GABRB3: variants seen among roughly 807,000 people sequenced by gnomAD.
The protein encoded by GABRB3 is gamma-aminobutyric acid type A receptor subunit beta3, also known as gamma-aminobutyric acid receptor subunit beta-3.
A neutral mutation model predicts 52.1 loss-of-function variants in GABRB3; 14 were observed. The observed-to-expected ratio is 0.27, with a 90% confidence interval of 0.18 to 0.42. The LOEUF is 0.42. Ranked by LOEUF, GABRB3 falls within the 10% of genes least tolerant of loss-of-function variation. GABRB3 has a pLI of 1.00. For synonymous variants in GABRB3, 260 were observed against 232.3 expected (o/e 1.12, Z -1.08); for missense variants, 307 against 609.1 (o/e 0.50, Z 5.22).
chr15:26,691,719 A>C (rs1034934736), intron 3 of GABRB3, among the ~76,000 whole-genome samples: 12 of 152,186 alleles, frequency 7.9e-5, no homozygotes, highest in Non-Finnish European at 1.8e-4. Flanking sequence ...CTACCTACTG[A>C]TATCAAGACC....
chr15:26,737,469 T>A (rs560852455), intron 3 of GABRB3, among the ~76,000 whole-genome samples: 15 of 152,316 alleles, frequency 9.8e-5, no homozygotes, highest in African/African-American at 3.6e-4. Flanking sequence ...TATGTGTATG[T>A]GCTCAATGAA....
intron 3 of GABRB3, among the ~76,000 whole-genome samples, chr15:26,681,732 TG>T (rs1420424548): frequency 6.6e-6 from 1 of 151,890 alleles, no homozygotes; most frequent in Admixed American, 6.6e-5. Context: ...AAGGCCAAGG[TG>T]GGTGAATAGC....
At chr15:26,707,689 T>C (rs1000881302) in intron 3 of GABRB3, among the ~76,000 whole-genome samples, 4 of 152,182 alleles carry the variant, frequency 2.6e-5, no homozygotes, top group African/African-American at 9.7e-5. Flanking sequence ...GGCTAAGTTG[T>C]CAAATGCTGC....
chr15:26,715,635 T>C (rs1241238411), intron 3 of GABRB3, among the ~76,000 whole-genome samples: 1 of 152,200 alleles, frequency 6.6e-6, no homozygotes. Flanking sequence ...GCACATACAA[T>C]ATGTTTTCAG....
intron 4 of GABRB3, among the ~76,000 whole-genome samples, chr15:26,586,704 A>AG (rs1555368943): frequency 2.1e-4 from 21 of 102,298 alleles, no homozygotes; most frequent in Admixed American, 8.2e-4. Flanking sequence ...AAAAAAAAAA[A>AG]AGAGAGAGAG....
intron 3 of GABRB3, among the ~76,000 whole-genome samples, chr15:26,755,170 A>AT (rs1048517104): frequency 4.6e-5 from 7 of 151,176 alleles, no homozygotes; most frequent in Non-Finnish European, 8.9e-5. Flanking sequence ...TGCCCGGCTA[A>AT]TTTTTTTTGT....
At chr15:26,624,112 A>T in intron 3 of GABRB3, 15 of 834,598 alleles carry the variant, frequency 1.8e-5, no homozygotes, top group Non-Finnish European at 2.2e-5. Context: ...TGGGTAAAGC[A>T]AAGGCCTGAA....
At chr15:26,706,480 T>C (rs919092536) in intron 3 of GABRB3, among the ~76,000 whole-genome samples, 2 of 152,088 alleles carry the variant, frequency 1.3e-5, no homozygotes. Context: ...CATGTTATGC[T>C]TTGTTAATAT....
chr15:26,712,956 T>C (rs565966970), intron 3 of GABRB3, among the ~76,000 whole-genome samples: 4 of 152,316 alleles, frequency 2.6e-5, no homozygotes, highest in African/African-American at 9.6e-5. Context: ...CTCCGCATCA[T>C]GCTGGCTGCA....
intron 4 of GABRB3, among the ~76,000 whole-genome samples, chr15:26,594,664 T>A: frequency 6.6e-6 from 1 of 152,210 alleles, no homozygotes; most frequent in Non-Finnish European, 1.5e-5. Context: ...CCTGGCTAGA[T>A]TTTTTCTTTA....
Position 26,621,640 on chromosome 15 carries a change from A to T in GABRB3, c.241-106T>A. ...TGCAATCTAGGCTCTACAGTGAATA[A>T]CCAGGAGAAACGGATGCCATTTTTA... On this transcript the variant is annotated intron_variant, in intron 3 of 8. Coordinates refer to ENST00000311550, the MANE Select transcript of GABRB3 (RefSeq NM_000814.6). The surrounding 1 kb of genome is among the most constrained non-coding windows in gnomAD (Gnocchi z 4.1). The T allele has an allele frequency of 1.2e-6, 1 of 812,600 alleles. No homozygotes were observed. Among genetic ancestry groups the T allele is most frequent in the East Asian group, 2.6e-5 (1 of 38,678 alleles). The allele number at this position is 812,600 out of a possible 1,614,324, so 50.3% of individuals were successfully genotyped here.
intron 4 of GABRB3, among the ~76,000 whole-genome samples, chr15:26,594,796 A>C (rs1891337580): frequency 6.6e-6 from 1 of 152,208 alleles, no homozygotes; most frequent in South Asian, 2.1e-4. Context: ...GATTACACGC[A>C]TGAGCCACCA....
chr15:26,714,572 G>A (rs185657858), intron 3 of GABRB3, among the ~76,000 whole-genome samples: 1 of 152,184 alleles, frequency 6.6e-6, no homozygotes, highest in Non-Finnish European at 1.5e-5. Context: ...AGGTAGATAA[G>A]AGACAAATGG....
intron 3 of GABRB3, among the ~76,000 whole-genome samples, chr15:26,662,064 T>A (rs1451266421): frequency 6.6e-6 from 1 of 152,190 alleles, no homozygotes. Flanking sequence ...TCAGATGCCA[T>A]CTTTAATAAC....
intron 3 of GABRB3, among the ~76,000 whole-genome samples, chr15:26,761,537 T>C (rs748182431): frequency 6.6e-6 from 1 of 152,010 alleles, no homozygotes; most frequent in African/African-American, 2.4e-5. Flanking sequence ...AAAAATTATA[T>C]ACTATACTAT....
At chr15:26,664,053 AT>A (rs1420692224) in intron 3 of GABRB3, among the ~76,000 whole-genome samples, 3 of 152,108 alleles carry the variant, frequency 2.0e-5, no homozygotes, top group East Asian at 1.9e-4. Context: ...TTTCCTCTAC[AT>A]TTTTTTAATA....
At chr15:26,622,613 T>C (rs1669942097) in intron 3 of GABRB3, among the ~76,000 whole-genome samples, 1 of 152,234 alleles carries the variant, frequency 6.6e-6, no homozygotes, top group Admixed American at 6.5e-5. Flanking sequence ...CAGCGAGAGA[T>C]GGAGAGCAAA....
intron 3 of GABRB3, among the ~76,000 whole-genome samples, chr15:26,722,886 C>T (rs1423016278): frequency 6.6e-6 from 1 of 152,214 alleles, no homozygotes; most frequent in Admixed American, 6.5e-5. Flanking sequence ...GCAACTGTGA[C>T]TGCCTCTCCC....
intron 3 of GABRB3, among the ~76,000 whole-genome samples, chr15:26,766,683 C>G (rs919709961): frequency 6.6e-6 from 1 of 151,568 alleles, no homozygotes; most frequent in African/African-American, 2.4e-5. Context: ...AAGACAGACA[C>G]CAGTCCTAAT....
Sources: allele counts gnomAD v4.1 joint callset (sites outside exome capture counted in the v4.1 genomes callset), GRCh38; gene constraint gnomAD v4.1.1; non-coding constraint Gnocchi (gnomAD v3.1); transcripts MANE v1.5; gene names NCBI Gene and HGNC (gene_info 2026-07-23, HGNC 2026-07-21).